The following NLGN1 variants were observed in gnomAD, a reference collection of about 807,000 sequenced individuals.
The protein encoded by NLGN1 is neuroligin 1, also known as neuroligin-1.
In NLGN1, 12 loss-of-function variants were observed where a neutral mutation model predicts 65.5. The ratio of observed to expected loss-of-function variants is 0.18; its 90% CI spans 0.12 to 0.30. NLGN1 has a LOEUF of 0.30. Ranked by LOEUF, NLGN1 falls within the 10% of genes least tolerant of loss-of-function variation. The pLI is 1.00. For synonymous variants in NLGN1, 350 were observed against 359.5 expected, an observed-to-expected ratio of 0.97 and a Z score of 0.30; for missense variants, 750 against 1,007.1, an observed-to-expected ratio of 0.74 and a Z score of 3.46.
intron 4 of NLGN1, among the ~76,000 whole-genome samples, chr3:174,124,653 T>G (rs1718547627): frequency 6.8e-6 from 1 of 147,356 alleles, no homozygotes; most frequent in Non-Finnish European, 1.5e-5. Flanking sequence ...AAGTACATAC[T>G]TATATATATG....
chr3:173,891,773 G>A (rs1193532659), intron 4 of NLGN1, among the ~76,000 whole-genome samples: 4 of 152,062 alleles, frequency 2.6e-5, no homozygotes, highest in Non-Finnish European at 4.4e-5. Flanking sequence ...TCTCATACCC[G>A]GTGTTCAAAA....
intron 3 of NLGN1, among the ~76,000 whole-genome samples, chr3:173,612,880 T>C (rs1752523254): frequency 6.6e-6 from 1 of 152,082 alleles, no homozygotes; most frequent in African/African-American, 2.4e-5. Context: ...TCTTTGTGTC[T>C]TATCAATGGC....
intron 4 of NLGN1, among the ~76,000 whole-genome samples, chr3:173,912,173 A>T (rs115536887): frequency 1.3e-5 from 2 of 152,188 alleles, no homozygotes; most frequent in Non-Finnish European, 2.9e-5. Flanking sequence ...AAGGTAGACA[A>T]TAAGTATTCA....
At chr3:173,808,284 T>C (rs928879636) in intron 4 of NLGN1, among the ~76,000 whole-genome samples, 1 of 152,150 alleles carries the variant, frequency 6.6e-6, no homozygotes, top group African/African-American at 2.4e-5. Flanking sequence ...TTTGTTGTTG[T>C]TATTTTGGTT....
chr3:173,632,797 A>G (rs992201738), intron 3 of NLGN1, among the ~76,000 whole-genome samples: 6 of 148,238 alleles, frequency 4.0e-5, no homozygotes, highest in Non-Finnish European at 8.9e-5. Context: ...GATTCATTGT[A>G]TAAATAGACA....
At chr3:173,585,406 C>T (rs897260624) in intron 2 of NLGN1, among the ~76,000 whole-genome samples, 20 of 152,082 alleles carry the variant, frequency 1.3e-4, no homozygotes, top group African/African-American at 4.8e-4. Flanking sequence ...CTTCGGCCGC[C>T]GTTTCTGCGG....
chr3:174,152,331 A>G (rs1268124209), intron 4 of NLGN1, among the ~76,000 whole-genome samples: 1 of 152,170 alleles, frequency 6.6e-6, no homozygotes, highest in Non-Finnish European at 1.5e-5. Flanking sequence ...TGTATTTTAG[A>G]TTCTTCACAA....
At chr3:173,748,945 A>G (rs1388045849) in intron 3 of NLGN1, among the ~76,000 whole-genome samples, 1 of 152,068 alleles carries the variant, frequency 6.6e-6, no homozygotes, top group Admixed American at 6.6e-5. Context: ...TAGTGGTCTT[A>G]TGATTTCAAA....
At chr3:174,273,728 A>C (rs944433537) in intron 4 of NLGN1, among the ~76,000 whole-genome samples, 5 of 151,684 alleles carry the variant, frequency 3.3e-5, no homozygotes, top group South Asian at 2.1e-4. Context: ...AAACACAGAC[A>C]CACACACACA....
intron 4 of NLGN1, among the ~76,000 whole-genome samples, chr3:173,986,137 G>A (rs893514715): frequency 6.6e-6 from 1 of 152,052 alleles, no homozygotes; most frequent in African/African-American, 2.4e-5. Context: ...GGAGTAGAGT[G>A]GATCCATAAT....
chr3:173,566,175 C>T (rs1015599605), intron 2 of NLGN1, among the ~76,000 whole-genome samples: 1 of 152,140 alleles, frequency 6.6e-6, no homozygotes, highest in Non-Finnish European at 1.5e-5. Flanking sequence ...ATATTCATGA[C>T]TGTATCTGGT....
chr3:174,186,424 G>A lies in NLGN1; in HGVS notation c.647-88891G>A, dbSNP rs558586065. ...TAGAAAGTTAACAGTATAGAAGTAT[G>A]AAAATGTCACCAAAGACTAATCAGA... On this transcript the variant is annotated intron_variant, in intron 4 of 6. Transcript: ENST00000457714. Among the ~76,000 whole-genome samples the A allele has an allele frequency of 3.3e-5, 5 of 152,134 alleles. No individual in the cohort carries two copies. The South Asian group carries it at 1.0e-3, about 32-fold the overall frequency.
At chr3:174,202,190 A>G (rs934077026) in intron 4 of NLGN1, among the ~76,000 whole-genome samples, 10 of 152,160 alleles carry the variant, frequency 6.6e-5, no homozygotes, top group Non-Finnish European at 1.3e-4. Flanking sequence ...TGGGAATAAA[A>G]TGACCTGGAT....
intron 3 of NLGN1, among the ~76,000 whole-genome samples, chr3:173,671,614 T>C (rs1337422672): frequency 3.3e-5 from 5 of 152,226 alleles, no homozygotes; most frequent in Non-Finnish European, 4.4e-5. Context: ...TTTGGCACTT[T>C]GGTCAATCTC....
intron 2 of NLGN1, among the ~76,000 whole-genome samples, chr3:173,546,433 C>T (rs971535970): frequency 6.6e-6 from 1 of 151,988 alleles, no homozygotes; most frequent in Non-Finnish European, 1.5e-5. Flanking sequence ...AAAATACTGT[C>T]TGGAATGTGT....
chr3:174,281,688 A>G (rs369501259), exon 7 of NLGN1: 2 of 166,656 alleles, frequency 1.2e-5, no homozygotes, highest in South Asian at 3.5e-4. Context: ...GTGGAATGTC[A>G]GATAATTTTC....
At chr3:173,670,650 G>C (rs1339433278) in intron 3 of NLGN1, among the ~76,000 whole-genome samples, 1 of 152,096 alleles carries the variant, frequency 6.6e-6, no homozygotes, top group African/African-American at 2.4e-5. Flanking sequence ...CTAATGCGTG[G>C]TTCAGAAAGT....
chr3:174,255,634 C>A (rs1274472535), intron 4 of NLGN1, among the ~76,000 whole-genome samples: 2,465 of 111,088 alleles, frequency 0.022, 46 homozygotes, highest in African/African-American at 0.058. Flanking sequence ...TCTTTCTTTT[C>A]TTCTATTTAT....
intron 3 of NLGN1, chr3:173,644,467 G>A (rs1252871292): frequency 6.3e-6 from 1 of 159,534 alleles, no homozygotes; most frequent in Non-Finnish European, 1.5e-5. Context: ...TACACGCTTT[G>A]GCTCTGGCCT....
Sources: gnomAD v4.1 joint callset for allele counts (sites outside exome capture counted in the v4.1 genomes callset) on GRCh38, gnomAD v4.1.1 for gene constraint, MANE v1.5 for transcripts, NCBI Gene and HGNC (gene_info 2026-07-23, HGNC 2026-07-21) for gene names.